DMD: variants seen among roughly 807,000 people sequenced by gnomAD.
DMD encodes the protein mutant dystrophin.
A neutral mutation model predicts 330.1 loss-of-function variants in DMD; 63 were observed. The observed-to-expected ratio is 0.19, with a 90% confidence interval of 0.16 to 0.24. The LOEUF (loss-of-function observed/expected upper bound fraction) is 0.24, where lower values mean the gene tolerates loss of function less well. DMD is among the 10% of genes least tolerant of loss of function. The probability of loss-of-function intolerance (pLI) is 1.00; values close to 1 mark genes in which losing one functional copy is unlikely to be tolerated. For synonymous variants in DMD, 1,223 were observed against 959.8 expected (o/e 1.27, Z -5.07); for missense variants, 3,344 against 2,684.1 (o/e 1.25, Z -5.43).
chrX:32,433,017 G>T (rs887073476), intron 29 of DMD, among the ~76,000 whole-genome samples: 5 of 112,051 alleles, frequency 4.5e-5, no homozygotes, highest in Admixed American at 9.5e-5. Flanking sequence ...ACTGAAATAC[G>T]GGCATTAATA....
chrX:32,200,194 C>A (rs971775939), intron 44 of DMD, among the ~76,000 whole-genome samples: 1 of 110,595 alleles, frequency 9.0e-6, no homozygotes, highest in Non-Finnish European at 1.9e-5. Context: ...AAGGTGATCT[C>A]TAGTCCTTTT....
chrX:31,718,896 C>T (rs1411688390), intron 52 of DMD, among the ~76,000 whole-genome samples: 2 of 111,878 alleles, frequency 1.8e-5, no homozygotes, highest in Admixed American at 1.9e-4. Context: ...TTATCAGGAT[C>T]CCAGTTTTAC....
Position 32,111,061 on chromosome X carries a change from C to T in DMD, c.6438+105855G>A, listed in dbSNP as rs777071639. 6.7e-4 allele frequency among the ~76,000 whole-genome samples: 75 copies of T among 111,999 alleles called. No homozygotes were observed. The South Asian group carries it at 0.014, about 21-fold the overall frequency. On this transcript the variant is annotated intron_variant, in intron 44 of 78. Coordinates refer to ENST00000357033, the MANE Select transcript of DMD (RefSeq NM_004006.3). ...TCCATTGTTTACATAAGAAATAATG[C>T]GGATTATATTGCATAGCTAGTATGT...
At chrX:31,552,594 A>G (rs1205721281) in intron 55 of DMD, among the ~76,000 whole-genome samples, 1 of 111,364 alleles carries the variant, frequency 9.0e-6, no homozygotes, top group East Asian at 2.8e-4. Flanking sequence ...CTACTATTCT[A>G]CCAGCACAGT....
chrX:31,192,724 G>C (rs1023216619), intron 67 of DMD, among the ~76,000 whole-genome samples: 3 of 112,035 alleles, frequency 2.7e-5, no homozygotes, highest in Non-Finnish European at 5.6e-5. Flanking sequence ...TAAGGAAACA[G>C]CTTAAGATTA....
chrX:32,270,642 T>C (rs774876788), intron 43 of DMD, among the ~76,000 whole-genome samples: 109 of 111,532 alleles, frequency 9.8e-4, no homozygotes, highest in African/African-American at 3.5e-3. Flanking sequence ...ACGCTAGTTA[T>C]AAATCTGGGT....
intron 1 of DMD, among the ~76,000 whole-genome samples, chrX:33,168,954 TTTCCAAATAAGATAGA>T (rs1275666086): frequency 9.2e-6 from 1 of 108,910 alleles, no homozygotes; most frequent in Non-Finnish European, 1.9e-5. Flanking sequence ...ACCTTTTGAA[TTTCCAAATAAGATAGA>T]TTCCTGTCAA....
chrX:33,268,387 A>G (rs1299391362), intron 1 of DMD, among the ~76,000 whole-genome samples: 2 of 111,753 alleles, frequency 1.8e-5, no homozygotes, highest in Admixed American at 1.9e-4. Context: ...TGCACAGCCA[A>G]AGAAACTATC....
intron 47 of DMD, among the ~76,000 whole-genome samples, chrX:31,897,889 T>C (rs2094366307): frequency 9.0e-6 from 1 of 110,804 alleles, no homozygotes; most frequent in East Asian, 2.8e-4. Flanking sequence ...TTCACTCTGA[T>C]GGTAGTTTCT....
chrX:32,554,875 AAAG>A (rs1376613205), intron 16 of DMD, among the ~76,000 whole-genome samples: 2 of 58,326 alleles, frequency 3.4e-5, no homozygotes, highest in Admixed American at 2.2e-4. Context: ...AGAGAGAAGG[AAAG>A]AAGAAAGAAA....
At chrX:31,937,999 G>T (rs2094945367) in intron 45 of DMD, among the ~76,000 whole-genome samples, 1 of 111,779 alleles carries the variant, frequency 8.9e-6, no homozygotes, top group East Asian at 2.8e-4. Flanking sequence ...ATTAAAGGAA[G>T]CACGTATTAC....
intron 11 of DMD, among the ~76,000 whole-genome samples, chrX:32,629,898 G>C (rs1330743364): frequency 9.1e-6 from 1 of 110,094 alleles, no homozygotes; most frequent in Non-Finnish European, 1.9e-5. Context: ...AAAAGTTGTT[G>C]CAGTTATTTT....
At chrX:31,683,846 A>T (rs1412857862) in intron 52 of DMD, among the ~76,000 whole-genome samples, 2 of 112,150 alleles carry the variant, frequency 1.8e-5, no homozygotes, top group Non-Finnish European at 3.8e-5. Context: ...ACTAACATTT[A>T]TTTGAATATC....
chrX:32,416,982 G>C (rs1011327085), intron 29 of DMD, among the ~76,000 whole-genome samples: 10 of 111,884 alleles, frequency 8.9e-5, no homozygotes, highest in Non-Finnish European at 1.9e-4. Flanking sequence ...CAAGTGCCAA[G>C]TACTAAGAAT....
chrX:32,528,616 T>A (rs1166725323), intron 17 of DMD, among the ~76,000 whole-genome samples: 1 of 111,358 alleles, frequency 9.0e-6, no homozygotes, highest in East Asian at 2.8e-4. Context: ...GGGTCAGACA[T>A]GCCTCATTAT....
At chrX:32,545,701 C>T (rs186180651) in intron 16 of DMD, among the ~76,000 whole-genome samples, 2 of 111,544 alleles carry the variant, frequency 1.8e-5, no homozygotes, top group East Asian at 5.7e-4. Flanking sequence ...TACTAACGTA[C>T]ATCAGTACCA....
At chrX:31,794,679 C>T (rs1191477653) in intron 50 of DMD, among the ~76,000 whole-genome samples, 2 of 109,863 alleles carry the variant, frequency 1.8e-5, no homozygotes, top group African/African-American at 3.3e-5. Context: ...GGAAGTATCA[C>T]TTGCCTTGAC....
Position 32,411,810 on chromosome X carries a change from T to C in DMD, c.4175A>G (p.Gln1392Arg), listed in dbSNP as rs876657779. The change falls in exon 30 of 79, where the codon CAG becomes CGG. Residue 1392 changes from glutamine (Q) to arginine (R), a missense_variant. Physicochemically the swap from Gln to Arg is conservative, Grantham distance 43. Coordinates refer to ENST00000357033, the MANE Select transcript of DMD (RefSeq NM_004006.3). ...IQESLTFIDK[Q>R]LAAYIADKVD... ...CTTGTCTGCAATATAAGCTGCCAAC[T>C]GCTTGTCAATGAATGTGAGGGACTC... 1 of 1,209,450 alleles carries C rather than the reference T, an allele frequency of 8.3e-7. No individual in the cohort carries two copies. Among genetic ancestry groups the C allele is most frequent in the African/African-American group, 1.8e-5 (1 of 57,096 alleles).
intron 13 of DMD, among the ~76,000 whole-genome samples, chrX:32,576,304 C>A (rs2053041624): frequency 9.0e-6 from 1 of 111,431 alleles, no homozygotes; most frequent in Non-Finnish European, 1.9e-5. Flanking sequence ...GCAACCCCAG[C>A]ATGCGATTTT....
Sources: allele counts gnomAD v4.1 joint callset (sites outside exome capture counted in the v4.1 genomes callset), GRCh38; gene constraint gnomAD v4.1.1; transcripts MANE v1.5; gene names NCBI Gene and HGNC (gene_info 2026-07-23, HGNC 2026-07-21).